Variants in RAPGEF6 observed in about 807,000 individuals in gnomAD.
The protein encoded by RAPGEF6 is Rap guanine nucleotide exchange factor 6.
Under a neutral mutation model 171.4 loss-of-function variants are expected in RAPGEF6, and 56 were observed. The ratio of observed to expected loss-of-function variants is 0.33; its 90% CI spans 0.26 to 0.41. The LOEUF is 0.41. Ranked by LOEUF, RAPGEF6 falls within the 10% of genes least tolerant of loss-of-function variation. RAPGEF6 has a pLI of 1.00. For synonymous variants in RAPGEF6, 692 were observed against 650.1 expected (o/e 1.06, Z -0.98); for missense variants, 1,674 against 1,921.4 (o/e 0.87, Z 2.41).
chr5:131,544,546 G>C (rs1244969932), intron 6 of RAPGEF6, among the ~76,000 whole-genome samples: 1 of 152,064 alleles, frequency 6.6e-6, no homozygotes, highest in Non-Finnish European at 1.5e-5. Flanking sequence ...CTTGAGGATG[G>C]GTATTTAGAA....
intron 24 of RAPGEF6, among the ~76,000 whole-genome samples, chr5:131,434,765 C>T (rs1751918713): frequency 6.6e-6 from 1 of 152,104 alleles, no homozygotes. Context: ...AGGTGAAGGA[C>T]CCAAAAACAA....
intron 4 of RAPGEF6, among the ~76,000 whole-genome samples, chr5:131,592,129 T>G (rs913663660): frequency 6.6e-6 from 1 of 152,178 alleles, no homozygotes; most frequent in Admixed American, 6.5e-5. Context: ...GTGCTGGGAT[T>G]ACAGGTGTGA....
chr5:131,472,956 C>T (rs1419863909), intron 16 of RAPGEF6: 21 of 528,244 alleles, frequency 4.0e-5, no homozygotes, highest in Non-Finnish European at 5.7e-5. Context: ...CTAACTTATA[C>T]ATCTAAGTAA....
At chr5:131,502,839 C>T (rs185798279) in intron 11 of RAPGEF6, among the ~76,000 whole-genome samples, 48 of 152,306 alleles carry the variant, frequency 3.2e-4, no homozygotes, top group Admixed American at 1.6e-3. Context: ...CACTCTGTCG[C>T]CCAGGCTGGA....
chr5:131,504,602 A>G, intron 11 of RAPGEF6, 24 bp downstream of exon 11: 1 of 1,546,702 alleles, frequency 6.5e-7, no homozygotes, highest in Non-Finnish European at 8.7e-7. Flanking sequence ...ATCAGTGACT[A>G]GAAAAATAAG....
chr5:131,487,332 T>G (rs1486134216), intron 15 of RAPGEF6, among the ~76,000 whole-genome samples: 1 of 152,220 alleles, frequency 6.6e-6, no homozygotes, highest in East Asian at 1.9e-4. Flanking sequence ...AAGGGGACCC[T>G]GGCAGCTTGC....
chr5:131,465,689 G>A (rs1342358779), intron 17 of RAPGEF6, among the ~76,000 whole-genome samples: 1 of 152,060 alleles, frequency 6.6e-6, no homozygotes, highest in Non-Finnish European at 1.5e-5. Context: ...AGGTGGAAGT[G>A]GGAGCATCAC....
chr5:131,458,673 A>G (rs1338671100), intron 19 of RAPGEF6, among the ~76,000 whole-genome samples: 1 of 152,222 alleles, frequency 6.6e-6, no homozygotes, highest in Admixed American at 6.5e-5. Context: ...TTCTTTTTTG[A>G]GACAGAGTCT....
At chr5:131,550,481 A>G (rs1450325356) in intron 5 of RAPGEF6, among the ~76,000 whole-genome samples, 1 of 152,218 alleles carries the variant, frequency 6.6e-6, no homozygotes, top group East Asian at 1.9e-4. Context: ...AATGATTTCT[A>G]AGAGTTGATG....
intron 6 of RAPGEF6, among the ~76,000 whole-genome samples, chr5:131,545,518 C>G (rs1489126867): frequency 1.3e-5 from 2 of 152,022 alleles, no homozygotes; most frequent in Non-Finnish European, 2.9e-5. Flanking sequence ...CATAAAGAAC[C>G]CTATAAAGGC....
At chr5:131,578,025 C>T (rs774610644) in intron 4 of RAPGEF6, among the ~76,000 whole-genome samples, 2 of 152,124 alleles carry the variant, frequency 1.3e-5, no homozygotes, top group Non-Finnish European at 2.9e-5. Flanking sequence ...TCGTAAATGC[C>T]CTGCCCTTGT....
chr5:131,512,376 T>TC lies in RAPGEF6; in HGVS notation c.628-1886_628-1885insG, dbSNP rs57160204. Among the ~76,000 whole-genome samples the TC allele has an allele frequency of 7.0e-3, 917 of 131,252 alleles. 10 individuals are homozygous for TC. Among genetic ancestry groups the TC allele is most frequent in the African/African-American group, 0.024 (858 of 35,946 alleles). The allele number at this position is 131,252 out of a possible 152,430, so 86.1% of individuals were successfully genotyped here. A position where few individuals can be genotyped will look rare whatever the true frequency, so the allele number is the denominator to read the frequency against. ...TTTGGCTTTACATTTTTTTTCTTCT[T>TC]TTTTTTTTTTTTAAAGACAGGGTTT... On this transcript the variant is annotated intron_variant, in intron 7 of 27. Coordinates refer to ENST00000509018, the MANE Select transcript of RAPGEF6 (RefSeq NM_016340.6).
chr5:131,634,089 A>G (rs933547668), intron 1 of RAPGEF6, among the ~76,000 whole-genome samples: 2 of 152,214 alleles, frequency 1.3e-5, no homozygotes, highest in Non-Finnish European at 2.9e-5. Context: ...AAAACACTAC[A>G]TATCTGAAAA....
In RAPGEF6 at chr5:131,621,720, C is replaced by T. The variant is rs529015038; in HGVS notation, c.69+13242G>A. ...AAGAAAAATGTCTGTACCTGTTCAGCACAGGCACAACGATCATGGGCCTAA... is the reference window on the plus strand; with the variant it reads ...AAGAAAAATGTCTGTACCTGTTCAGTACAGGCACAACGATCATGGGCCTAA... On this transcript the variant is annotated intron_variant, in intron 1 of 27. Transcript: ENST00000509018. Among the ~76,000 whole-genome samples, 35 of 152,214 alleles carry T rather than the reference C, an allele frequency of 2.3e-4. 1 individual carries two copies. The South Asian group carries it at 7.3e-3, about 32-fold the overall frequency.
rs76985725 is a variant in RAPGEF6, at chr5:131,522,978, A to G, written c.496-1457T>C. Among the ~76,000 whole-genome samples the G allele has an allele frequency of 3.5e-3, 538 of 152,286 alleles. 4 individuals are homozygous for G. The highest frequency in any genetic ancestry group is 0.013 in the African/African-American group (521 of 41,548). ...CAATCAACTGTTGGAAGCAAACACA[A>G]ATCCTCACTATAGGAAGAAAGTCAT... On this transcript the variant is annotated intron_variant, in intron 6 of 27. Transcript: ENST00000509018.
rs141642657 is a variant in RAPGEF6, at chr5:131,431,020, G to A, written c.4304C>T (p.Ser1435Phe). 153 of 1,614,168 alleles carry A rather than the reference G, an allele frequency of 9.5e-5. No homozygotes were observed. The highest frequency in any genetic ancestry group is 1.2e-4 in the Non-Finnish European group (144 of 1,180,020). ...KGSLERKSWTSSSSLSDTYEP... is the reference protein window; with the variant it reads ...KGSLERKSWTFSSSLSDTYEP... ...ATACGTGTCAGACAGAGAACTGGAG[G>A]AGGTCCAACTCTTTCTCTCTAGGCT... Residue 1435 changes from serine to phenylalanine, a missense_variant, in exon 26 of 28, where the codon TCC (serine) becomes TTC (phenylalanine). Around this residue, in one of 3 missense-constraint regions of RAPGEF6, gnomAD observed 552 missense variants for 574.2 expected, o/e 0.96. Coordinates refer to ENST00000509018, the MANE Select transcript of RAPGEF6 (RefSeq NM_016340.6).
chr5:131,500,553 T>G (rs1330287500), intron 11 of RAPGEF6, among the ~76,000 whole-genome samples: 1 of 152,210 alleles, frequency 6.6e-6, no homozygotes, highest in Non-Finnish European at 1.5e-5. Flanking sequence ...AAAATCTATC[T>G]TACCTCAAAA....
At position 131,424,156 on chromosome 5, in the gene RAPGEF6, T is replaced by C. The variant is rs1450555418; in HGVS notation, c.*3110A>G. On this transcript the variant is annotated 3_prime_UTR_variant, in exon 28 of 28. Coordinates refer to ENST00000509018, the MANE Select transcript of RAPGEF6 (RefSeq NM_016340.6). The stretch of plus-strand genomic sequence containing the variant: ...ACAATCAATGAATTGTGCAGTAGAA[T>C]TGCTATCTGATTATTACAGATGTGC... 1 of 152,380 alleles carries C rather than the reference T, an allele frequency of 6.6e-6. No homozygotes were observed. The highest frequency in any genetic ancestry group is 1.5e-5 in the Non-Finnish European group (1 of 68,036). 9.4% of individuals were successfully genotyped at this position (152,380 alleles called of 1,614,324 possible). A position where few individuals can be genotyped will look rare whatever the true frequency, so the allele number is the denominator to read the frequency against.
At chr5:131,556,358 G>T (rs1418344355) in intron 5 of RAPGEF6, among the ~76,000 whole-genome samples, 1 of 152,106 alleles carries the variant, frequency 6.6e-6, no homozygotes, top group African/African-American at 2.4e-5. Flanking sequence ...AGTGAGCCGA[G>T]ATCATGCCAC....
Sources: allele counts gnomAD v4.1 joint callset (sites outside exome capture counted in the v4.1 genomes callset), GRCh38; gene constraint gnomAD v4.1.1; regional missense constraint gnomAD v4.1.1; transcripts MANE v1.5; gene names NCBI Gene and HGNC (gene_info 2026-07-23, HGNC 2026-07-21).